MTCL3: variants seen among roughly 807,000 people sequenced by gnomAD.
MTCL3 encodes MTCL family member 3.
At chr6:127,516,599 T>A in the MTCL3 span, 1 of 1,596,712 alleles carries the variant, frequency 6.3e-7, no homozygotes, top group Non-Finnish European at 8.5e-7. Flanking sequence ...GCGCCCCCGA[T>A]TGGTGGCTGA....
chr6:127,474,600 G>A, the MTCL3 span, among the ~76,000 whole-genome samples: 1 of 151,644 alleles, frequency 6.6e-6, no homozygotes, highest in Non-Finnish European at 1.5e-5. Flanking sequence ...TTTTTTTTGA[G>A]ACAGGGTTTC....
chr6:127,482,038 A>T, the MTCL3 span, among the ~76,000 whole-genome samples: 1 of 152,220 alleles, frequency 6.6e-6, no homozygotes, highest in Non-Finnish European at 1.5e-5. This position sits in a 1 kb window ranked among gnomAD's most constrained non-coding sequence, Gnocchi z 4.1. Flanking sequence ...TGGTCTAAAA[A>T]GGGGAGGCAT....
At chr6:127,505,466 A>C in the MTCL3 span, among the ~76,000 whole-genome samples, 1 of 152,206 alleles carries the variant, frequency 6.6e-6, no homozygotes, top group African/African-American at 2.4e-5. Flanking sequence ...GCGCTAAATG[A>C]TGAGAATACC....
chr6:127,498,190 A>C, the MTCL3 span, among the ~76,000 whole-genome samples: 1 of 152,358 alleles, frequency 6.6e-6, no homozygotes, highest in South Asian at 2.1e-4. Context: ...CAAATCATAT[A>C]TCTGATAAAA....
chr6:127,507,865 A>G, the MTCL3 span, among the ~76,000 whole-genome samples: 12 of 150,422 alleles, frequency 8.0e-5, no homozygotes, highest in Admixed American at 5.3e-4. Context: ...AAAAAAAAAA[A>G]AAAAAGAAAA....
chr6:127,477,203 A>G, the MTCL3 span, among the ~76,000 whole-genome samples: 1 of 152,222 alleles, frequency 6.6e-6, no homozygotes, highest in African/African-American at 2.4e-5. Flanking sequence ...TTCCATCTAG[A>G]TCACATTTAA....
the MTCL3 span, among the ~76,000 whole-genome samples, chr6:127,513,527 G>A: frequency 6.6e-6 from 1 of 152,338 alleles, no homozygotes; most frequent in South Asian, 2.1e-4. Flanking sequence ...TTTACAAGTA[G>A]TGGGTTGGGC....
chr6:127,498,061 A>G, the MTCL3 span, among the ~76,000 whole-genome samples: 8 of 152,190 alleles, frequency 5.3e-5, no homozygotes, highest in Admixed American at 6.5e-5. Context: ...ATGCGACACC[A>G]AAAACATAAG....
the MTCL3 span, among the ~76,000 whole-genome samples, chr6:127,483,273 C>T: frequency 1.3e-5 from 2 of 152,156 alleles, no homozygotes; most frequent in African/African-American, 4.8e-5. Context: ...TGATTGTTGA[C>T]TCAATATGAT....
chr6:127,479,046 G>T, the MTCL3 span, among the ~76,000 whole-genome samples: 1 of 150,484 alleles, frequency 6.6e-6, no homozygotes, highest in Non-Finnish European at 1.5e-5. Context: ...AAAAGAGAAA[G>T]GGGGAGACAG....
the MTCL3 span, among the ~76,000 whole-genome samples, chr6:127,486,138 A>G: frequency 6.6e-6 from 1 of 152,186 alleles, no homozygotes; most frequent in African/African-American, 2.4e-5. Flanking sequence ...CTAAATTAAT[A>G]TAAGAGCAAT....
chr6:127,509,537 C>T, the MTCL3 span, among the ~76,000 whole-genome samples: 1 of 152,242 alleles, frequency 6.6e-6, no homozygotes, highest in Non-Finnish European at 1.5e-5. Flanking sequence ...AGGATTGCTT[C>T]TCTAGAGTAT....
the MTCL3 span, chr6:127,516,378 T>TTGCTGC: frequency 1.2e-6 from 2 of 1,600,782 alleles, no homozygotes; most frequent in Non-Finnish European, 1.7e-6. Flanking sequence ...TACCCTGCTG[T>TTGCTGC]TGCTGCTGCT....
At chr6:127,483,734 AAT>A in the MTCL3 span, among the ~76,000 whole-genome samples, 1 of 152,234 alleles carries the variant, frequency 6.6e-6, no homozygotes, top group South Asian at 2.1e-4. Flanking sequence ...GGACAAGCGT[AAT>A]ATGATCTCTG....
the MTCL3 span, among the ~76,000 whole-genome samples, chr6:127,500,621 C>T: frequency 1.5e-3 from 222 of 152,156 alleles, no homozygotes; most frequent in Non-Finnish European, 2.4e-3. Flanking sequence ...TATTTTATCA[C>T]CTAGGTATTA....
At chr6:127,473,332 G>A in the MTCL3 span, 2 of 1,544,262 alleles carry the variant, frequency 1.3e-6, no homozygotes, top group Admixed American at 2.2e-5. Flanking sequence ...ATATTGTTGT[G>A]TAAGAAAGTG....
At chr6:127,496,403 A>T in the MTCL3 span, among the ~76,000 whole-genome samples, 98,834 of 150,694 alleles carry the variant, frequency 0.66, 32,427 homozygotes, top group East Asian at 0.74. Context: ...ATTTTTTTTT[A>T]AAAATAACAT....
chr6:127,513,934 A>G, the MTCL3 span, among the ~76,000 whole-genome samples: 2 of 152,244 alleles, frequency 1.3e-5, no homozygotes, highest in East Asian at 3.8e-4. Flanking sequence ...AGCACTCGAC[A>G]AAAGTTAAGA....
At chr6:127,516,476 C>T in the MTCL3 span, 1 of 1,599,720 alleles carries the variant, frequency 6.3e-7, no homozygotes, top group Admixed American at 1.7e-5. Flanking sequence ...AGCGAACTGT[C>T]CCTCGGTCTA....
Sources: gnomAD v4.1 joint callset for allele counts (sites outside exome capture counted in the v4.1 genomes callset) on GRCh38, gnomAD v4.1.1 for gene constraint, Gnocchi (gnomAD v3.1) non-coding constraint, MANE v1.5 for transcripts, NCBI Gene and HGNC (gene_info 2026-07-23, HGNC 2026-07-21) for gene names.